Variants in FXYD5 observed in about 807,000 individuals in gnomAD.
The protein encoded by FXYD5 is FXYD domain containing ion transport regulator 5.
FXYD5 carries 21 observed loss-of-function variants against 25.7 expected under a neutral mutation model. That is an observed-to-expected ratio of 0.82 (90% CI 0.58 to 1.18). The LOEUF (loss-of-function observed/expected upper bound fraction) is 1.18. FXYD5 is among the 50% of genes most tolerant of loss of function. The pLI is 0.00. For synonymous variants in FXYD5, 101 were observed against 90.7 expected (o/e 1.11, Z -0.64); for missense variants, 229 against 227.7 (o/e 1.01, Z -0.04).
chr19:35,163,165 G>A (rs556948163), intron 5 of FXYD5, among the ~76,000 whole-genome samples: 3 of 152,216 alleles, frequency 2.0e-5, no homozygotes, highest in Non-Finnish European at 4.4e-5. Flanking sequence ...GCTGTCCTTC[G>A]CATTCCTGTG....
chr19:35,161,617 T>C (rs547537828), intron 5 of FXYD5, among the ~76,000 whole-genome samples: 27 of 152,264 alleles, frequency 1.8e-4, no homozygotes, highest in African/African-American at 6.5e-4. Flanking sequence ...GAGAAGAGGC[T>C]CAGCCAGCCA....
intron 5 of FXYD5, among the ~76,000 whole-genome samples, chr19:35,162,823 G>A (rs1473756705): frequency 6.6e-6 from 1 of 152,198 alleles, no homozygotes; most frequent in Non-Finnish European, 1.5e-5. Context: ...GGTTATAACT[G>A]GGGAAGGGAG....
chr19:35,169,442 T>C (rs535443145), intron 8 of FXYD5, 124 bp from the exon 9 acceptor site: 2 of 715,864 alleles, frequency 2.8e-6, no homozygotes, highest in East Asian at 2.6e-5. Context: ...CATCATTTGT[T>C]TATGGAGTTG....
chr19:35,158,449 G>C, intron 4 of FXYD5, 49 bp downstream of exon 4: 1 of 1,113,438 alleles, frequency 9.0e-7, no homozygotes, highest in Non-Finnish European at 1.4e-6. Flanking sequence ...GACAAACAAA[G>C]TTTCCCCTCT....
intron 8 of FXYD5, 35 bp from the exon 9 acceptor site, chr19:35,169,531 C>G (rs1006595967): frequency 1.3e-6 from 2 of 1,516,972 alleles, no homozygotes; most frequent in African/African-American, 1.4e-5. Context: ...CAATATCACT[C>G]TAGCTCGTGA....
intron 8 of FXYD5, among the ~76,000 whole-genome samples, chr19:35,168,319 G>A (rs1169226982): frequency 1.3e-5 from 2 of 152,158 alleles, no homozygotes; most frequent in Non-Finnish European, 2.9e-5. Flanking sequence ...TGGATACAGA[G>A]AAAGATATTT....
At chr19:35,168,211 G>A (rs1600513089) in intron 8 of FXYD5, among the ~76,000 whole-genome samples, 1 of 152,296 alleles carries the variant, frequency 6.6e-6, no homozygotes, top group South Asian at 2.1e-4. Context: ...CCTGTGCTGG[G>A]TGATGCTGGG....
intron 5 of FXYD5, among the ~76,000 whole-genome samples, chr19:35,163,096 C>T (rs915688918): frequency 6.6e-5 from 10 of 152,238 alleles, no homozygotes; most frequent in Admixed American, 6.5e-4. Flanking sequence ...AGTGGCAGAA[C>T]CGGAATTTGA....
chr19:35,165,621 T>C (rs1400560674), intron 6 of FXYD5, among the ~76,000 whole-genome samples: 2 of 152,132 alleles, frequency 1.3e-5, no homozygotes, highest in Non-Finnish European at 2.9e-5. Flanking sequence ...TGACTAACAA[T>C]GTCTAACCTC....
At chr19:35,166,869 G>A (rs1349074116) in intron 8 of FXYD5, 1 of 153,858 alleles carries the variant, frequency 6.5e-6, no homozygotes, top group African/African-American at 2.4e-5. Flanking sequence ...CTGACAGGGA[G>A]GGGTAGAGAC....
At chr19:35,155,705 G>A (rs1169287734) in intron 2 of FXYD5, 94 bp downstream of exon 2, 32 of 919,574 alleles carry the variant, frequency 3.5e-5, no homozygotes, top group Middle Eastern at 2.2e-4. Context: ...CCGTGTGAAC[G>A]TTGTCCTGCC....
intron 8 of FXYD5, 48 bp downstream of exon 8, chr19:35,166,373 CT>C: frequency 8.1e-7 from 1 of 1,241,176 alleles, no homozygotes; most frequent in Non-Finnish European, 1.1e-6. Flanking sequence ...AGGAGGGGGA[CT>C]TATGACGGAG....
intron 8 of FXYD5, among the ~76,000 whole-genome samples, chr19:35,168,111 G>C (rs2065466919): frequency 6.6e-6 from 1 of 151,968 alleles, no homozygotes. Flanking sequence ...ATTGGACCCA[G>C]GTTTGTGTGA....
In FXYD5 at chr19:35,169,756, G is replaced by T; in HGVS notation, c.*141G>T. On this transcript the variant is annotated 3_prime_UTR_variant, in exon 9 of 9. Coordinates refer to ENST00000392219, the MANE Select transcript of FXYD5 (RefSeq NM_014164.6). ...CACAGATGATGAAGCTGGAGCCAGG[G>T]CTGCCGGTCCGAGTCTCCTACCTCC... 3.2e-5 allele frequency: 21 copies of T among 660,702 alleles called. No homozygotes were observed. The South Asian group carries it at 3.7e-4, about 12-fold the overall frequency. The allele number at this position is 660,702 out of a possible 1,614,324, so 40.9% of individuals were successfully genotyped here. A position where few individuals can be genotyped will look rare whatever the true frequency, so the allele number is the denominator to read the frequency against.
chr19:35,160,604 C>A, intron 4 of FXYD5, 105 bp from the exon 5 acceptor site: 1 of 768,292 alleles, frequency 1.3e-6, no homozygotes. Flanking sequence ...CCTCGGCCTC[C>A]CAAAGTGCTG....
chr19:35,159,059 A>C (rs2065382129), intron 4 of FXYD5, among the ~76,000 whole-genome samples: 1 of 151,940 alleles, frequency 6.6e-6, no homozygotes, highest in African/African-American at 2.4e-5. Context: ...GCCCAGAGGC[A>C]GAGGTTGCAG....
intron 5 of FXYD5, 77 bp downstream of exon 5, chr19:35,160,878 G>A (rs1600504826): frequency 1.6e-5 from 14 of 859,218 alleles, no homozygotes; most frequent in East Asian, 1.2e-4. Context: ...CCCTCAGTAC[G>A]TTTCTCAGTG....
intron 3 of FXYD5, 79 bp from the exon 4 acceptor site, chr19:35,158,265 G>T (rs974477022): frequency 1.1e-6 from 1 of 872,152 alleles, no homozygotes; most frequent in Non-Finnish European, 2.0e-6. Context: ...GGGAATCTCT[G>T]GCATCTCCAC....
chr19:35,168,356 G>A (rs1283225857), intron 8 of FXYD5, among the ~76,000 whole-genome samples: 1 of 152,216 alleles, frequency 6.6e-6, no homozygotes, highest in African/African-American at 2.4e-5. Context: ...TGACAGGGAA[G>A]AGAGGGGTGG....
Sources: gnomAD v4.1 joint callset for allele counts (sites outside exome capture counted in the v4.1 genomes callset) on GRCh38, gnomAD v4.1.1 for gene constraint, MANE v1.5 for transcripts, NCBI Gene and HGNC (gene_info 2026-07-23, HGNC 2026-07-21) for gene names.